The following SH2D3A variants were observed in gnomAD, a reference collection of about 807,000 sequenced individuals.
The protein encoded by SH2D3A is SH2 domain-containing protein 3A.
Under a neutral mutation model 50.6 loss-of-function variants are expected in SH2D3A, and 46 were observed. That is an observed-to-expected ratio of 0.91 (90% confidence interval 0.72 to 1.16). The LOEUF is 1.16. Among genes scored for constraint, SH2D3A ranks in the 50% most tolerant of loss-of-function variants. The pLI is 0.00. For synonymous variants in SH2D3A, 377 were observed against 348.4 expected, an observed-to-expected ratio of 1.08 and a Z score of -0.91; for missense variants, 783 against 786.2, an observed-to-expected ratio of 1.00 and a Z score of 0.05.
At chr19:6,764,478 A>G (rs141110524) in intron 1 of SH2D3A, 1 of 152,174 alleles carries the variant, frequency 6.6e-6, no homozygotes, top group African/African-American at 2.4e-5. Flanking sequence ...TAATTAATGA[A>G]TTCACTGAAC....
chr19:6,754,820 A>G lies in SH2D3A; in HGVS notation c.981+11T>C. 6.2e-7 allele frequency: 1 copy of G among 1,608,790 alleles called. No individual in the cohort carries two copies. The highest frequency in any genetic ancestry group is 1.7e-5 in the Admixed American group (1 of 59,798). On this transcript the variant is annotated intron_variant, in intron 5 of 9. Transcript: ENST00000245908. Reference sequence around the variant, plus strand: ...TGGGCCTGGGGAGGAGCATCCCAGGAGGTGACCCACCTGGCAGTCTACCAA... The same window carrying G: ...TGGGCCTGGGGAGGAGCATCCCAGGGGGTGACCCACCTGGCAGTCTACCAA...
intron 3 of SH2D3A, among the ~76,000 whole-genome samples, chr19:6,760,380 GAAAAATA>G (rs1969940338): frequency 1.3e-5 from 2 of 148,356 alleles, no homozygotes; most frequent in Admixed American, 1.3e-4. Context: ...CGACTCCAGA[GAAAAATA>G]AAAAATAAAA....
At chr19:6,761,320 A>C (rs1195505230) in intron 2 of SH2D3A, among the ~76,000 whole-genome samples, 1 of 152,216 alleles carries the variant, frequency 6.6e-6, no homozygotes, top group Non-Finnish European at 1.5e-5. Flanking sequence ...CCTGTCTGTC[A>C]GCTGATATCC....
rs757172703 is a variant in SH2D3A at position 6,755,239 on chromosome 19, C to T, written c.573G>A (p.Leu191=). ...DPVLLKAPAP[L]GTVADSLRAS... ...CCCTGAGACTGTCGGCAACAGTTCC[C>T]AGGGGAGCAGGGGCCTTCAGCAACA... The change falls in exon 5 of 10, where the codon CTG becomes CTA. Residue 191 remains leucine (L), a synonymous_variant. Coordinates refer to ENST00000245908, the MANE Select transcript of SH2D3A (RefSeq NM_005490.3). 1 of 1,533,330 alleles carries T rather than the reference C, an allele frequency of 6.5e-7. No homozygotes were observed. The highest frequency in any genetic ancestry group is 1.3e-5 in the South Asian group (1 of 78,584). The allele number at this position is 1,533,330 out of a possible 1,614,324, so 95.0% of individuals were successfully genotyped here. A position where few individuals can be genotyped will look rare whatever the true frequency, so the allele number is the denominator to read the frequency against.
intron 3 of SH2D3A, 25 bp downstream of exon 3, chr19:6,760,613 A>G: frequency 6.6e-7 from 1 of 1,507,586 alleles, no homozygotes. Context: ...GGGTGTTCTC[A>G]AGGAGGCAGG....
chr19:6,753,500 C>T lies in SH2D3A; in HGVS notation c.1526G>A (p.Arg509Gln), dbSNP rs751325311. The T allele has an allele frequency of 6.4e-7, 1 of 1,553,696 alleles. No individual in the cohort carries two copies. The highest frequency in any genetic ancestry group is 8.7e-7 in the Non-Finnish European group (1 of 1,149,024). ...CACCTTGCGGAATTTGGGTGCGTCC[C>T]GGACCATGTGACGCGCCCCGTGCAG... ...RTLHGARHMV[R>Q]DAPKFRKVAA... is the part of the protein sequence containing the mutation. The change falls in exon 9 of 10, where the codon CGG becomes CAG. Residue 509 changes from arginine (R) to glutamine (Q), a missense_variant. By Grantham distance (43) the Arg-to-Gln change is conservative. Transcript: ENST00000245908.
At chr19:6,753,789 G>C (rs189528257) in intron 8 of SH2D3A, 148 bp from the exon 9 acceptor site, 1 of 981,094 alleles carries the variant, frequency 1.0e-6, no homozygotes, top group Admixed American at 3.1e-5. Flanking sequence ...GCCCCGTATG[G>C]AGGGCGGGGC....
In SH2D3A at chr19:6,755,335, G is replaced by A. The variant is rs375765740; in HGVS notation, c.497-20C>T. 2.3e-5 allele frequency: 34 copies of A among 1,471,418 alleles called. No homozygotes were observed. In the African/African-American group the frequency reaches 4.4e-4, roughly 19 times the overall value. The allele number at this position is 1,471,418 out of a possible 1,614,324, so 91.1% of individuals were successfully genotyped here. On this transcript the variant is annotated intron_variant, in intron 4 of 9. Transcript: ENST00000245908. ...AGGCTTCTAGAGGTCATACAAGAGG[G>A]GTCAATGGGAATACACAGGGAAGAT... is the stretch of plus-strand genomic sequence containing the variant.
chr19:6,766,835 C>T (rs1228619659), intron 1 of SH2D3A, among the ~76,000 whole-genome samples: 1 of 152,168 alleles, frequency 6.6e-6, no homozygotes, highest in African/African-American at 2.4e-5. Context: ...ACAGCCTCTC[C>T]TATAAAGTGA....
chr19:6,761,260 T>G (rs1330828871), intron 2 of SH2D3A: 2 of 419,610 alleles, frequency 4.8e-6, no homozygotes, highest in African/African-American at 2.0e-5. Context: ...ATGGGAAATA[T>G]CCAGACCTGG....
rs914244856 is a variant in SH2D3A, at chr19:6,763,779, T to C, written c.-31A>G. The C allele has an allele frequency of 6.3e-7, 1 of 1,597,890 alleles. No homozygotes were observed. Among genetic ancestry groups the C allele is most frequent in the African/African-American group, 1.3e-5 (1 of 74,640 alleles). ...TCTTGGGAACAGAGGGTGCCAGGGCTGAGCTCTGCACTTTCAACAGGCCTC... is the reference window on the plus strand; with the variant it reads ...TCTTGGGAACAGAGGGTGCCAGGGCCGAGCTCTGCACTTTCAACAGGCCTC... On this transcript the variant is annotated 5_prime_UTR_variant, in exon 2 of 10. Transcript: ENST00000245908.
chr19:6,760,754 T>C lies in SH2D3A; in HGVS notation c.303A>G (p.Pro101=), dbSNP rs1382625021. The C allele has an allele frequency of 1.2e-6, 2 of 1,614,048 alleles. No homozygotes were observed. Among genetic ancestry groups the C allele is most frequent in the Non-Finnish European group, 1.7e-6 (2 of 1,180,014 alleles). ...LVHSYMTGRR[P]LSQATGAVVS... The stretch of plus-strand genomic sequence containing the variant: ...CCACAGCCCCTGTGGCCTGGGACAG[T>C]GGGCGCCTGCCTGTCATATAACTGT... The change falls in exon 3 of 10, where the codon CCA becomes CCG. Residue 101 remains proline, a synonymous_variant. Transcript: ENST00000245908.
intron 4 of SH2D3A, chr19:6,757,324 T>C (rs957313501): frequency 6.7e-6 from 1 of 150,106 alleles, no homozygotes; most frequent in Non-Finnish European, 1.5e-5. Context: ...TTTTTTTTTT[T>C]TTTTTAAATT....
rs774385767 is a variant in SH2D3A, at chr19:6,754,976, G to A, written c.836C>T (p.Ser279Phe). ...GGAGGGGGCATCATGGGGGCAGAAA[G>A]AGATCTCAGCCTGTGGTCTTGTAAA... ...RCFTRPQAEISFCPHDAPSCL... is the reference protein window; with the variant it reads ...RCFTRPQAEIFFCPHDAPSCL... Residue 279 changes from serine (S) to phenylalanine (F), a missense_variant, in exon 5 of 10, where the codon TCT becomes TTT. Physicochemically the swap from Ser to Phe is radical, Grantham distance 155. Coordinates refer to ENST00000245908, the MANE Select transcript of SH2D3A (RefSeq NM_005490.3). The A allele has an allele frequency of 3.7e-6, 6 of 1,613,838 alleles. No homozygotes were observed. The Admixed American group carries it at 5.0e-5, about 13-fold the overall frequency.
At chr19:6,766,777 C>T (rs1301247844) in intron 1 of SH2D3A, among the ~76,000 whole-genome samples, 2 of 152,164 alleles carry the variant, frequency 1.3e-5, no homozygotes, top group Non-Finnish European at 2.9e-5. Flanking sequence ...TAAGAGTTAT[C>T]AATGAAAGTG....
At position 6,752,431 on chromosome 19, in the gene SH2D3A, TCAC is replaced by T. The variant is rs147477468; in HGVS notation, c.*159_*161del. The T allele has an allele frequency of 0.044, 23,616 of 535,804 alleles. 659 individuals are homozygous for T. Among genetic ancestry groups the T allele is most frequent in the Middle Eastern group, 0.085 (184 of 2,162 alleles). The allele number at this position is 535,804 out of a possible 1,614,324, so 33.2% of individuals were successfully genotyped here. A position where few individuals can be genotyped will look rare whatever the true frequency, so the allele number is the denominator to read the frequency against. The stretch of plus-strand genomic sequence containing the variant: ...GATGCCAGATCTGCAGGTCACATGT[TCAC>T]CATGGTCCAGGTGACCCTGACTGCG... On this transcript the variant is annotated 3_prime_UTR_variant, in exon 10 of 10. Coordinates refer to ENST00000245908, the MANE Select transcript of SH2D3A (RefSeq NM_005490.3).
chr19:6,765,151 G>T (rs1033520809), intron 1 of SH2D3A, among the ~76,000 whole-genome samples: 4 of 151,666 alleles, frequency 2.6e-5, no homozygotes, highest in Non-Finnish European at 2.9e-5. Context: ...AAAGCACTGG[G>T]ATTACCAGCA....
At position 6,754,054 on chromosome 19, in the gene SH2D3A, G is replaced by T; in HGVS notation, c.1382C>A (p.Ala461Asp). Residue 461 changes from alanine to aspartate, a missense_variant and splice_region_variant, in exon 8 of 10, where the codon GCT (alanine) becomes GAT (aspartate). By Grantham distance (126) the Ala-to-Asp change is moderately radical (BLOSUM62 -2). Transcript: ENST00000245908. ...KPLMRALDEG[A>D]GPCDPGEVAL... is the part of the protein sequence containing the mutation. ...CTAAGCCCCAGACCTTCACTTACCA[G>T]CGCCCTCATCCAGAGCCCGCATCAG... The T allele has an allele frequency of 6.2e-7, 1 of 1,601,030 alleles. No individual in the cohort carries two copies. Among genetic ancestry groups the T allele is most frequent in the Non-Finnish European group, 8.5e-7 (1 of 1,172,654 alleles).
chr19:6,752,976 G>C, intron 9 of SH2D3A: 1 of 985,420 alleles, frequency 1.0e-6, no homozygotes, highest in African/African-American at 1.7e-5. Context: ...GCAGTGCAAT[G>C]GGGTGGCCTG....
Sources: gnomAD v4.1 joint callset for allele counts (sites outside exome capture counted in the v4.1 genomes callset) on GRCh38, gnomAD v4.1.1 for gene constraint, MANE v1.5 for transcripts, NCBI Gene and HGNC (gene_info 2026-07-23, HGNC 2026-07-21) for gene names.